CDH12: variants seen among roughly 807,000 people sequenced by gnomAD.
CDH12 encodes cadherin 12, also known as cadherin-12.
A neutral mutation model predicts 74.1 loss-of-function variants in CDH12; 41 were observed. The ratio of observed to expected loss-of-function variants is 0.55; its 90% CI spans 0.43 to 0.72. The LOEUF (loss-of-function observed/expected upper bound fraction) is 0.72, where lower values mean the gene tolerates loss of function less well. Among genes scored for constraint, CDH12 ranks in the 30% least tolerant of loss-of-function variants. The probability of loss-of-function intolerance (pLI) is 0.00; values close to 1 mark genes in which losing one functional copy is unlikely to be tolerated. For missense variants in CDH12, 945 were observed against 977.2 expected, an observed-to-expected ratio of 0.97 and a Z score of 0.44; for synonymous variants, 399 against 355.0, an observed-to-expected ratio of 1.12 and a Z score of -1.39.
intron 4 of CDH12, among the ~76,000 whole-genome samples, chr5:22,119,679 A>C (rs1432845859): frequency 1.3e-5 from 2 of 152,182 alleles, no homozygotes; most frequent in Non-Finnish European, 2.9e-5. Flanking sequence ...TCATGCCTTC[A>C]TAGCCAAAAG....
At chr5:22,607,765 G>T (rs894898658) in intron 1 of CDH12, among the ~76,000 whole-genome samples, 3 of 152,222 alleles carry the variant, frequency 2.0e-5, no homozygotes, top group Non-Finnish European at 2.9e-5. Context: ...CATCCTAGCT[G>T]CTCCAGCTAT....
At chr5:21,984,103 G>T (rs1273908375) in intron 5 of CDH12, among the ~76,000 whole-genome samples, 1 of 152,080 alleles carries the variant, frequency 6.6e-6, no homozygotes, top group African/African-American at 2.4e-5. Context: ...TGAGTTTCCT[G>T]TTCATATTTA....
chr5:22,739,216 A>G (rs549953932), intron 1 of CDH12, among the ~76,000 whole-genome samples: 3 of 152,030 alleles, frequency 2.0e-5, no homozygotes, highest in Non-Finnish European at 4.4e-5. Context: ...TTCAATGTGT[A>G]AAAAGGAAAG....
intron 1 of CDH12, among the ~76,000 whole-genome samples, chr5:22,573,871 C>G (rs1449203493): frequency 6.6e-6 from 1 of 151,898 alleles, no homozygotes; most frequent in Non-Finnish European, 1.5e-5. Flanking sequence ...CAGTATGCCC[C>G]CTCTAACCTG....
intron 2 of CDH12, among the ~76,000 whole-genome samples, chr5:22,443,160 TAA>T (rs1481498727): frequency 1.3e-5 from 2 of 152,274 alleles, no homozygotes; most frequent in East Asian, 3.9e-4. Context: ...TCAATCAAAG[TAA>T]GAGTCTAGAT....
At chr5:22,790,882 T>C (rs754829762) in intron 1 of CDH12, among the ~76,000 whole-genome samples, 11 of 152,130 alleles carry the variant, frequency 7.2e-5, no homozygotes, top group Non-Finnish European at 1.3e-4. Context: ...CAGTCATTTA[T>C]CTTAGGAATC....
At chr5:22,446,830 A>G (rs1313352790) in intron 2 of CDH12, among the ~76,000 whole-genome samples, 2 of 152,132 alleles carry the variant, frequency 1.3e-5, no homozygotes, top group Non-Finnish European at 2.9e-5. Flanking sequence ...AATTGTAAAC[A>G]TTAAATATGA....
intron 10 of CDH12, 48 bp downstream of exon 10, chr5:21,802,119 T>C: frequency 1.3e-6 from 2 of 1,558,034 alleles, no homozygotes; most frequent in African/African-American, 1.4e-5. Context: ...TGTTCTTGTT[T>C]TGTTTTGTTT....
At chr5:22,413,174 G>C (rs1252391283) in intron 2 of CDH12, among the ~76,000 whole-genome samples, 1 of 151,974 alleles carries the variant, frequency 6.6e-6, no homozygotes, top group Non-Finnish European at 1.5e-5. Context: ...TAGAGAGGTA[G>C]AGATACAGAT....
chr5:21,767,569 TATTTAGAAATATCTA>T (rs1397113034), intron 11 of CDH12, among the ~76,000 whole-genome samples: 3 of 151,686 alleles, frequency 2.0e-5, no homozygotes, highest in Admixed American at 1.3e-4. Flanking sequence ...ATCCTACAGA[TATTTAGAAATATCTA>T]ATTTAGAAAT....
chr5:22,842,055 GA>G (rs1323508900), intron 1 of CDH12, among the ~76,000 whole-genome samples: 2 of 152,102 alleles, frequency 1.3e-5, no homozygotes, highest in African/African-American at 4.8e-5. Flanking sequence ...CAGAACAGGT[GA>G]AAAACCTCAA....
At chr5:22,580,438 G>A in intron 1 of CDH12, 1 of 511,594 alleles carries the variant, frequency 2.0e-6, no homozygotes, top group Non-Finnish European at 4.0e-6. Flanking sequence ...TCCAAGTACT[G>A]CCACTTGACA....
intron 4 of CDH12, among the ~76,000 whole-genome samples, chr5:22,118,485 T>C (rs566235805): frequency 6.6e-6 from 1 of 152,224 alleles, no homozygotes; most frequent in African/African-American, 2.4e-5. Context: ...AGCATTGTGG[T>C]GGCTTCCTGA....
At chr5:21,814,857 A>G (rs965653236) in intron 9 of CDH12, among the ~76,000 whole-genome samples, 1 of 151,116 alleles carries the variant, frequency 6.6e-6, no homozygotes, top group African/African-American at 2.4e-5. Flanking sequence ...TCTTTGTTGG[A>G]GACCTTCTTA....
chr5:22,808,884 G>A (rs1218080967), intron 1 of CDH12, among the ~76,000 whole-genome samples: 4 of 151,122 alleles, frequency 2.6e-5, no homozygotes, highest in Non-Finnish European at 4.4e-5. Context: ...TGGGATTACA[G>A]GGGTGTGCCA....
chr5:21,780,697 T>A (rs1158815667), intron 11 of CDH12, among the ~76,000 whole-genome samples: 4 of 152,192 alleles, frequency 2.6e-5, no homozygotes, highest in Admixed American at 2.0e-4. Flanking sequence ...ATTTATTGTA[T>A]CCCCACCACT....
chr5:21,834,787 T>G lies in CDH12; in HGVS notation c.814+7374A>C, dbSNP rs143436640. Reference sequence around the variant, plus strand: ...AATTATATGTTAGATAATTATACATTAACCTTGCTGATCAAATTGGCCCAC... The same window carrying G: ...AATTATATGTTAGATAATTATACATGAACCTTGCTGATCAAATTGGCCCAC... On this transcript the variant is annotated intron_variant, in intron 8 of 14. Coordinates refer to ENST00000382254, the MANE Select transcript of CDH12 (RefSeq NM_004061.5). Among the ~76,000 whole-genome samples, 6 of 152,128 alleles carry G rather than the reference T, an allele frequency of 3.9e-5. No individual in the cohort carries two copies. The South Asian group carries it at 8.3e-4, about 21-fold the overall frequency.
intron 6 of CDH12, among the ~76,000 whole-genome samples, chr5:21,927,343 T>G (rs1407546128): frequency 6.6e-6 from 1 of 152,004 alleles, no homozygotes; most frequent in Admixed American, 6.6e-5. Context: ...CCTAACACTT[T>G]GGGAGGCCCA....
chr5:22,667,679 A>G (rs1236635964), intron 1 of CDH12, among the ~76,000 whole-genome samples: 1 of 152,230 alleles, frequency 6.6e-6, no homozygotes, highest in Non-Finnish European at 1.5e-5. Context: ...TAGGATGTCC[A>G]GAATGAATAG....
Sources: gnomAD v4.1 joint callset for allele counts (sites outside exome capture counted in the v4.1 genomes callset) on GRCh38, gnomAD v4.1.1 for gene constraint, MANE v1.5 for transcripts, NCBI Gene and HGNC (gene_info 2026-07-23, HGNC 2026-07-21) for gene names.